The following PF4V1 variants were observed in gnomAD, a reference collection of about 807,000 sequenced individuals.
PF4V1 encodes the protein platelet factor 4 variant.
PF4V1 carries 4 observed loss-of-function variants against 6.9 expected under a neutral mutation model. The ratio of observed to expected loss-of-function variants is 0.58; its 90% CI spans 0.29 to 1.34. The LOEUF is 1.34. Among genes scored for constraint, PF4V1 ranks in the 40% most tolerant of loss-of-function variants. The probability of loss-of-function intolerance (pLI) is 0.09; values close to 1 mark genes in which losing one functional copy is unlikely to be tolerated. For synonymous variants in PF4V1, 68 were observed against 55.9 expected, an observed-to-expected ratio of 1.22 and a Z score of -0.97; for missense variants, 127 against 128.6, an observed-to-expected ratio of 0.99 and a Z score of 0.06.
chr4:73,853,545 G>C, intron 1 of PF4V1, 83 bp downstream of exon 1: 1 of 1,489,362 alleles, frequency 6.7e-7, no homozygotes, highest in Non-Finnish European at 9.1e-7. Flanking sequence ...GAATCCTCTA[G>C]GATCATGATC....
intron 1 of PF4V1, 73 bp downstream of exon 1, chr4:73,853,535 G>T: frequency 1.3e-6 from 2 of 1,509,210 alleles, no homozygotes; most frequent in Non-Finnish European, 1.8e-6. Context: ...GGCTGGGGAG[G>T]AATCCTCTAG....
In PF4V1 at chr4:73,853,744, A is replaced by T. The variant is rs192873258; in HGVS notation, c.101-39A>T. 619 of 1,572,926 alleles carry T rather than the reference A, an allele frequency of 3.9e-4. 1 individual carries two copies. The highest frequency in any genetic ancestry group is 2.1e-3 in the South Asian group (180 of 87,098). The stretch of plus-strand genomic sequence containing the variant: ...GGCTACTCAGGGAGTCACAACTCCC[A>T]CCCCTCCTCCTCTCTTACTCCCTCC... On this transcript the variant is annotated intron_variant, in intron 1 of 2. Coordinates refer to ENST00000226524, the MANE Select transcript of PF4V1 (RefSeq NM_002620.4).
At chr4:73,853,675 A>C in intron 1 of PF4V1, 108 bp from the exon 2 acceptor site, 1 of 1,441,788 alleles carries the variant, frequency 6.9e-7, no homozygotes, top group South Asian at 1.3e-5. Context: ...ACGGCTAAGG[A>C]AAAGAAAGCT....
At position 73,854,344 on chromosome 4, in the gene PF4V1, T is replaced by G. The variant is rs755768316; in HGVS notation, c.*222T>G. Among the ~76,000 whole-genome samples the G allele has an allele frequency of 6.6e-6, 1 of 152,256 alleles. No homozygotes were observed. The highest frequency in any genetic ancestry group is 1.5e-5 in the Non-Finnish European group (1 of 68,044). On this transcript the variant is annotated 3_prime_UTR_variant, in exon 3 of 3. Coordinates refer to ENST00000226524, the MANE Select transcript of PF4V1 (RefSeq NM_002620.4). ...CATTATGAAGGAAGGCTTGGTTTAA[T>G]AAAGACTGATTTTGTTCAGTGTTAT...
At chr4:73,853,529 G>T (rs1731473443) in intron 1 of PF4V1, 67 bp downstream of exon 1, 20 of 1,519,356 alleles carry the variant, frequency 1.3e-5, no homozygotes, top group African/African-American at 4.1e-5. Context: ...CCCTGGGGCT[G>T]GGGAGGAATC....
chr4:73,853,565 C>G, intron 1 of PF4V1, 103 bp downstream of exon 1: 1 of 1,407,082 alleles, frequency 7.1e-7, no homozygotes, highest in Non-Finnish European at 9.7e-7. Context: ...CGCAGCTGCT[C>G]TTATTGCGCG....
At position 73,854,183 on chromosome 4, in the gene PF4V1, A is replaced by G; in HGVS notation, c.*61A>G. ...TGTGAAAGAATCTTCTGATGTTTGTATTATCCTTCTTATATTATATTAACG... is the reference window on the plus strand; with the variant it reads ...TGTGAAAGAATCTTCTGATGTTTGTGTTATCCTTCTTATATTATATTAACG... On this transcript the variant is annotated 3_prime_UTR_variant, in exon 3 of 3. Transcript: ENST00000226524. 1 of 1,168,252 alleles carries G rather than the reference A, an allele frequency of 8.6e-7. No individual in the cohort carries two copies. The highest frequency in any genetic ancestry group is 1.3e-5 in the South Asian group (1 of 78,316). The allele number at this position is 1,168,252 out of a possible 1,614,324, so 72.4% of individuals were successfully genotyped here.
chr4:73,853,417 T>C lies in PF4V1; in HGVS notation c.55T>C (p.Phe19Leu). Reference protein sequence around the residue: ...LTRATRQEMLFLALLLLPVVV... With the variant: ...LTRATRQEMLLLALLLLPVVV... The stretch of plus-strand genomic sequence containing the variant: ...CCGCGCCACCCGCCAGGAGATGCTG[T>C]TCTTGGCGTTGCTGCTCCTGCCAGT... The change falls in exon 1 of 3, where the codon TTC (phenylalanine) becomes CTC (leucine). Residue 19 changes from phenylalanine to leucine, a missense_variant. By Grantham distance (22) the Phe-to-Leu change is conservative. Coordinates refer to ENST00000226524, the MANE Select transcript of PF4V1 (RefSeq NM_002620.4). 13 of 1,614,152 alleles carry C rather than the reference T, an allele frequency of 8.1e-6. No homozygotes were observed. The highest frequency in any genetic ancestry group is 1.1e-5 in the Non-Finnish European group (13 of 1,180,006).
chr4:73,854,149 C>A lies in PF4V1; in HGVS notation c.*27C>A. 6.9e-7 allele frequency: 1 copy of A among 1,457,238 alleles called. No individual in the cohort carries two copies. Among genetic ancestry groups the A allele is most frequent in the Non-Finnish European group, 9.6e-7 (1 of 1,037,750 alleles). The allele number at this position is 1,457,238 out of a possible 1,614,324, so 90.3% of individuals were successfully genotyped here. On this transcript the variant is annotated 3_prime_UTR_variant, in exon 3 of 3. Coordinates refer to ENST00000226524, the MANE Select transcript of PF4V1 (RefSeq NM_002620.4). ...TACTAGCTGCCTAAGTGTGCACTTT[C>A]AATCTAACTGTGAAAGAATCTTCTG...
rs896611071 is a variant in PF4V1 at position 73,853,850 on chromosome 4, G to A, written c.168G>A (p.Arg56=). The change falls in exon 2 of 3, where the codon AGG becomes AGA. Residue 56 remains arginine (R), a synonymous_variant. Coordinates refer to ENST00000226524, the MANE Select transcript of PF4V1 (RefSeq NM_002620.4). ...AGACCACCTCCCAGGTCCGTCCCAG[G>A]CACATCACCAGCCTGGAGGTGATCA... ...CVKTTSQVRP[R]HITSLEVIKA... is the part of the protein sequence containing the mutation. 7 of 1,613,200 alleles carry A rather than the reference G, an allele frequency of 4.3e-6. No individual in the cohort carries two copies. Among genetic ancestry groups the A allele is most frequent in the Non-Finnish European group, 5.9e-6 (7 of 1,179,848 alleles).
chr4:73,853,659 T>C, intron 1 of PF4V1, 124 bp from the exon 2 acceptor site: 1 of 1,382,676 alleles, frequency 7.2e-7, no homozygotes, highest in African/African-American at 1.4e-5. Flanking sequence ...GAGAGAGGTC[T>C]GATTTACGGC....
chr4:73,853,586 C>T, intron 1 of PF4V1, 124 bp downstream of exon 1: 1 of 1,328,550 alleles, frequency 7.5e-7, no homozygotes, highest in Non-Finnish European at 1.0e-6. Context: ...CGTGCTGAGT[C>T]TGCGGGTACA....
In PF4V1 at chr4:73,853,766, C is replaced by A; in HGVS notation, c.101-17C>A. On this transcript the variant is annotated splice_polypyrimidine_tract_variant and intron_variant, in intron 1 of 2. Transcript: ENST00000226524. ...CCCACCCCTCCTCCTCTCTTACTCC[C>A]TCCCTTTCCCCCTCAGCTGAAGCTG... The A allele has an allele frequency of 6.2e-7, 1 of 1,601,272 alleles. No individual in the cohort carries two copies. Among genetic ancestry groups the A allele is most frequent in the Non-Finnish European group, 8.5e-7 (1 of 1,173,446 alleles).
chr4:73,853,380 G>A lies in PF4V1; in HGVS notation c.18G>A (p.Arg6=). The A allele has an allele frequency of 6.2e-7, 1 of 1,614,066 alleles. No homozygotes were observed. The highest frequency in any genetic ancestry group is 1.3e-5 in the African/African-American group (1 of 75,058). Residue 6 remains arginine (R), a synonymous_variant, in exon 1 of 3, where the codon AGG becomes AGA. Coordinates refer to ENST00000226524, the MANE Select transcript of PF4V1 (RefSeq NM_002620.4). The stretch of plus-strand genomic sequence containing the variant: ...GCTGCAACATGAGCTCCGCAGCCAG[G>A]TCCCGCCTCACCCGCGCCACCCGCC... MSSAA[R]SRLTRATRQE...
chr4:73,853,926 C>T lies in PF4V1; in HGVS notation c.227+17C>T. On this transcript the variant is annotated intron_variant, in intron 2 of 2. Coordinates refer to ENST00000226524, the MANE Select transcript of PF4V1 (RefSeq NM_002620.4). ...CCAACTCATGTGAGTCCTCGCACTG[C>T]ATCAGTTAGTGCTCCCGCTCCGTGC... 2 of 1,601,382 alleles carry T rather than the reference C, an allele frequency of 1.2e-6. 1 individual carries two copies. The highest frequency in any genetic ancestry group is 2.8e-5 in the African/African-American group (2 of 71,758).
At chr4:73,853,697 A>G (rs1731477308) in intron 1 of PF4V1, 86 bp from the exon 2 acceptor site, 1 of 1,489,418 alleles carries the variant, frequency 6.7e-7, no homozygotes, top group African/African-American at 1.4e-5. Flanking sequence ...AAGGTAGTGG[A>G]AAAGGTCCCT....
At position 73,853,468 on chromosome 4, in the gene PF4V1, A is replaced by G. The variant is rs903832618; in HGVS notation, c.100+6A>G. On this transcript the variant is annotated splice_donor_region_variant and intron_variant, in intron 1 of 2. Transcript: ENST00000226524. ...TGTGGTCGCCTTCGCCAGAGGTGAG[A>G]GCAGAAACCAGGCTGGGAGGGCCAG... 1.2e-6 allele frequency: 2 copies of G among 1,605,260 alleles called. No homozygotes were observed. The highest frequency in any genetic ancestry group is 1.7e-5 in the Admixed American group (1 of 59,106).
At position 73,853,388 on chromosome 4, in the gene PF4V1, T is replaced by C. The variant is rs2109761967; in HGVS notation, c.26T>C (p.Leu9Pro). ...ATGAGCTCCGCAGCCAGGTCCCGCC[T>C]CACCCGCGCCACCCGCCAGGAGATG... Reference protein sequence around the residue: MSSAARSRLTRATRQEMLF... With the variant: MSSAARSRPTRATRQEMLF... The change falls in exon 1 of 3, where the codon CTC becomes CCC. Residue 9 changes from leucine to proline, a missense_variant. Leu to Pro is a moderately conservative substitution (Grantham distance 98). Coordinates refer to ENST00000226524, the MANE Select transcript of PF4V1 (RefSeq NM_002620.4). 1.2e-6 allele frequency: 2 copies of C among 1,614,096 alleles called. No individual in the cohort carries two copies. Among genetic ancestry groups the C allele is most frequent in the South Asian group, 2.2e-5 (2 of 91,088 alleles).
rs1731491426 is a variant in PF4V1 at position 73,854,120 on chromosome 4, T to C, written c.313T>C (p.Ter105GlnextTer5). 1 of 1,608,034 alleles carries C rather than the reference T, an allele frequency of 6.2e-7. No homozygotes were observed. Among genetic ancestry groups the C allele is most frequent in the Non-Finnish European group, 8.5e-7 (1 of 1,174,500 alleles). Residue 105 changes from the stop codon to glutamine, a stop_lost, in exon 3 of 3, where the codon TAG (stop) becomes CAG (glutamine). Coordinates refer to ENST00000226524, the MANE Select transcript of PF4V1 (RefSeq NM_002620.4). Reference sequence around the variant, plus strand: ...AATCATTAAGGAACATTTGGAGAGTTAGCTACTAGCTGCCTAAGTGTGCAC... The same window carrying C: ...AATCATTAAGGAACATTTGGAGAGTCAGCTACTAGCTGCCTAAGTGTGCAC... ...KKIIKEHLES* is the reference protein window; with the variant it reads ...KKIIKEHLESQ
Sources: gnomAD v4.1 joint callset for allele counts (sites outside exome capture counted in the v4.1 genomes callset) on GRCh38, gnomAD v4.1.1 for gene constraint, MANE v1.5 for transcripts, NCBI Gene and HGNC (gene_info 2026-07-23, HGNC 2026-07-21) for gene names.